PJA2: variants seen among roughly 807,000 people sequenced by gnomAD.
The protein encoded by PJA2 is praja ring finger ubiquitin ligase 2.
PJA2 carries 25 observed loss-of-function variants against 69.3 expected under a neutral mutation model. The ratio of observed to expected loss-of-function variants is 0.36; its 90% CI spans 0.26 to 0.50. The LOEUF is 0.50. PJA2 is among the 20% of genes least tolerant of loss of function. The pLI, the probability that PJA2 is intolerant of heterozygous loss-of-function variation, is 0.96. For synonymous variants in PJA2, 308 were observed against 277.8 expected (o/e 1.11, Z -1.08); for missense variants, 809 against 830.2 (o/e 0.97, Z 0.31).
intron 1 of PJA2, among the ~76,000 whole-genome samples, chr5:109,398,230 G>A (rs1333187223): frequency 6.6e-6 from 1 of 152,090 alleles, no homozygotes. Flanking sequence ...ATTCCTCAAG[G>A]ATCTAGAATT....
Position 109,400,377 on chromosome 5 carries a change from C to A in PJA2, c.-88+9465G>T, listed in dbSNP as rs946749256. ...AACTGAAAAGAAACATGTTAAAAAA[C>A]AACAGCAACAAAAACCAAAACAGAG... is the stretch of plus-strand genomic sequence containing the variant. On this transcript the variant is annotated intron_variant, in intron 1 of 9. Coordinates refer to ENST00000361189, the MANE Select transcript of PJA2 (RefSeq NM_014819.5). Among the ~76,000 whole-genome samples, 5 of 147,468 alleles carry A rather than the reference C, an allele frequency of 3.4e-5. No individual in the cohort carries two copies. The Admixed American group carries it at 3.5e-4, about 10-fold the overall frequency.
intron 1 of PJA2, among the ~76,000 whole-genome samples, chr5:109,393,253 C>A (rs1747321624): frequency 6.6e-6 from 1 of 152,170 alleles, no homozygotes; most frequent in South Asian, 2.1e-4. Flanking sequence ...ATTTCATAAA[C>A]TGGCTGAAGT....
At chr5:109,367,193 T>A (rs926936952) in intron 5 of PJA2, among the ~76,000 whole-genome samples, 9 of 149,188 alleles carry the variant, frequency 6.0e-5, no homozygotes, top group Non-Finnish European at 1.2e-4. Flanking sequence ...GATATATATA[T>A]CTCTCTCATG....
chr5:109,362,863 A>C lies in PJA2; in HGVS notation c.1629T>G (p.Ser543Arg). 6.2e-7 allele frequency: 1 copy of C among 1,610,502 alleles called. No homozygotes were observed. The highest frequency in any genetic ancestry group is 8.5e-7 in the Non-Finnish European group (1 of 1,177,504). The change falls in exon 6 of 10, where the codon AGT (serine) becomes AGG (arginine). Residue 543 changes from serine (S) to arginine (R), a missense_variant. Physicochemically the swap from Ser to Arg is moderately radical, Grantham distance 110. Transcript: ENST00000361189. ...ACCTCCAATCCACATCTAAGTCTTC[A>C]CTCACACTGGAGTCATCCTCCAGGT... Reference protein sequence around the residue: ...NNNLEDDSSVSEDLDVDWSLF... With the variant: ...NNNLEDDSSVREDLDVDWSLF...
At chr5:109,347,933 C>T (rs1364072722) in intron 7 of PJA2, among the ~76,000 whole-genome samples, 1 of 152,094 alleles carries the variant, frequency 6.6e-6, no homozygotes, top group Non-Finnish European at 1.5e-5. Flanking sequence ...CAGACTGGTA[C>T]AGAATTCATA....
intron 3 of PJA2, among the ~76,000 whole-genome samples, chr5:109,379,780 G>A (rs907089604): frequency 7.2e-5 from 11 of 152,074 alleles, no homozygotes; most frequent in East Asian, 3.8e-4. Context: ...TCAGTATCTC[G>A]ACAGATTATA....
intron 1 of PJA2, among the ~76,000 whole-genome samples, chr5:109,384,220 G>C (rs1231243199): frequency 1.3e-5 from 2 of 152,128 alleles, no homozygotes; most frequent in Admixed American, 1.3e-4. Context: ...TTTAGCCCTG[G>C]AATTGCTAAA....
chr5:109,386,804 CTG>C (rs2127010579), intron 1 of PJA2, among the ~76,000 whole-genome samples: 1 of 152,290 alleles, frequency 6.6e-6, no homozygotes, highest in African/African-American at 2.4e-5. Flanking sequence ...CTGAAAGGCA[CTG>C]TGTCCTACCT....
chr5:109,359,333 A>G (rs1355634894), intron 6 of PJA2, among the ~76,000 whole-genome samples: 1 of 152,214 alleles, frequency 6.6e-6, no homozygotes, highest in Non-Finnish European at 1.5e-5. Context: ...TGAAGAGTCA[A>G]AAGTTACGCT....
At chr5:109,350,239 C>T (rs746845449) in intron 7 of PJA2, among the ~76,000 whole-genome samples, 9 of 150,728 alleles carry the variant, frequency 6.0e-5, no homozygotes, top group Admixed American at 2.6e-4. Context: ...ATAAGCAACA[C>T]AAGCAAAAGA....
chr5:109,344,758 C>G lies in PJA2; in HGVS notation c.1826G>C (p.Ser609Thr), dbSNP rs1219209866. 6.2e-7 allele frequency: 1 copy of G among 1,613,974 alleles called. No homozygotes were observed. The highest frequency in any genetic ancestry group is 8.5e-7 in the Non-Finnish European group (1 of 1,179,996). Residue 609 changes from serine to threonine, a missense_variant, in exon 8 of 10, where the codon AGT becomes ACT. By Grantham distance (58) the Ser-to-Thr change is moderately conservative. This residue lies in a region of PJA2 where 55 missense variants were observed against 90.7 expected (regional missense o/e 0.61). Coordinates refer to ENST00000361189, the MANE Select transcript of PJA2 (RefSeq NM_014819.5). Reference protein sequence around the residue: ...VDVEVANPPASKESIDGLPET... With the variant: ...VDVEVANPPATKESIDGLPET... ...TGGAAGACCATCAATGCTTTCCTTACTAGCTGGTGGATTGGCCACCTCAAC... is the reference window on the plus strand; with the variant it reads ...TGGAAGACCATCAATGCTTTCCTTAGTAGCTGGTGGATTGGCCACCTCAAC...
At chr5:109,361,511 A>C (rs2126998004) in intron 6 of PJA2, among the ~76,000 whole-genome samples, 1 of 152,364 alleles carries the variant, frequency 6.6e-6, no homozygotes, top group Middle Eastern at 3.4e-3. Context: ...GATGCTAAAC[A>C]GATGATTCTT....
chr5:109,359,268 GTTTAT>G (rs535337632), intron 6 of PJA2, among the ~76,000 whole-genome samples: 196 of 152,286 alleles, frequency 1.3e-3, no homozygotes, highest in African/African-American at 4.6e-3. Flanking sequence ...GCAATCAACT[GTTTAT>G]TTTATTACAA....
intron 9 of PJA2, among the ~76,000 whole-genome samples, chr5:109,340,807 C>T (rs1166534420): frequency 2.9e-5 from 3 of 105,006 alleles, no homozygotes; most frequent in African/African-American, 6.3e-5. Context: ...CGCGCCGCCA[C>T]ACCTGACTGG....
intron 1 of PJA2, among the ~76,000 whole-genome samples, chr5:109,385,974 G>A (rs1747146606): frequency 6.6e-6 from 1 of 152,112 alleles, no homozygotes; most frequent in Non-Finnish European, 1.5e-5. Flanking sequence ...GTTAAGTACT[G>A]ATGTGTGGAA....
At position 109,362,971 on chromosome 5, in the gene PJA2, T is replaced by G. The variant is rs777603991; in HGVS notation, c.1521A>C (p.Glu507Asp). The G allele has an allele frequency of 2.5e-6, 4 of 1,612,466 alleles. No homozygotes were observed. Among genetic ancestry groups the G allele is most frequent in the Non-Finnish European group, 3.4e-6 (4 of 1,178,718 alleles). ...EGEIPWLQYN[E>D]VNESSSDEGN... is the part of the protein sequence containing the mutation. ...CCTCATCACTGCTGCTTTCATTGAC[T>G]TCATTGTACTGTAACCAAGGAATTT... Residue 507 changes from glutamate (E) to aspartate (D), a missense_variant, in exon 6 of 10, where the codon GAA becomes GAC. Physicochemically the swap from Glu to Asp is conservative, Grantham distance 45 (BLOSUM62 2). Around this residue, in one of 4 missense-constraint regions of PJA2, gnomAD observed 700 missense variants for 639.5 expected, o/e 1.09. Transcript: ENST00000361189.
At chr5:109,395,450 C>G (rs1747385618) in intron 1 of PJA2, among the ~76,000 whole-genome samples, 2 of 152,110 alleles carry the variant, frequency 1.3e-5, no homozygotes, top group South Asian at 4.1e-4. Flanking sequence ...TCACGTGAGC[C>G]TGGGAGATGG....
chr5:109,387,174 T>C (rs1166395868), intron 1 of PJA2, among the ~76,000 whole-genome samples: 1 of 152,192 alleles, frequency 6.6e-6, no homozygotes, highest in Non-Finnish European at 1.5e-5. Context: ...TCTGTAACAA[T>C]CTTTTTAATT....
Position 109,379,012 on chromosome 5 carries a change from C to T in PJA2, c.475G>A (p.Gly159Arg). ...GAGTCTGTATGAACCAATGCAATTC[C>T]ATTTTGGACACTTGAAGCACTACAA... is the stretch of plus-strand genomic sequence containing the variant. ...GACSASSVQN[G>R]IALVHTDSYD... Residue 159 changes from glycine to arginine, a missense_variant, in exon 4 of 10, where the codon GGA becomes AGA. Coordinates refer to ENST00000361189, the MANE Select transcript of PJA2 (RefSeq NM_014819.5). 1 of 1,614,108 alleles carries T rather than the reference C, an allele frequency of 6.2e-7. No homozygotes were observed. Among genetic ancestry groups the T allele is most frequent in the Admixed American group, 1.7e-5 (1 of 60,022 alleles).
Sources: gnomAD v4.1 joint callset for allele counts (sites outside exome capture counted in the v4.1 genomes callset) on GRCh38, gnomAD v4.1.1 for gene constraint, gnomAD v4.1.1 regional missense constraint, MANE v1.5 for transcripts, NCBI Gene and HGNC (gene_info 2026-07-23, HGNC 2026-07-21) for gene names.